Variants in THSD7B observed in about 807,000 individuals in gnomAD.
THSD7B encodes thrombospondin type 1 domain containing 7B.
In THSD7B, 138 loss-of-function variants were observed where a neutral mutation model predicts 213.6. The ratio of observed to expected loss-of-function variants is 0.65; its 90% CI spans 0.56 to 0.74. The LOEUF (loss-of-function observed/expected upper bound fraction) is 0.74, where lower values mean the gene tolerates loss of function less well. THSD7B is among the 30% of genes least tolerant of loss of function. The probability of loss-of-function intolerance (pLI) is 0.00; values close to 1 mark genes in which losing one functional copy is unlikely to be tolerated. For missense variants in THSD7B, 1,931 were observed against 1,991.5 expected (o/e 0.97, Z 0.58); for synonymous variants, 742 against 687.0 (o/e 1.08, Z -1.25).
intron 1 of THSD7B, among the ~76,000 whole-genome samples, chr2:136,859,797 A>G (rs1660955601): frequency 6.6e-6 from 1 of 152,330 alleles, no homozygotes; most frequent in South Asian, 2.1e-4. Flanking sequence ...AGAGCAGCCC[A>G]GCACTGAAAG....
At chr2:136,869,554 AGTC>A (rs760788433) in intron 1 of THSD7B, among the ~76,000 whole-genome samples, 3 of 152,212 alleles carry the variant, frequency 2.0e-5, no homozygotes, top group Non-Finnish European at 4.4e-5. Context: ...TAACGATAAC[AGTC>A]GTTGTTGAAT....
chr2:137,063,561 C>T (rs1304403220), intron 3 of THSD7B, among the ~76,000 whole-genome samples: 3 of 151,882 alleles, frequency 2.0e-5, no homozygotes, highest in Admixed American at 1.3e-4. Flanking sequence ...TTTTAAAATG[C>T]ACAATTAAAT....
intron 15 of THSD7B, among the ~76,000 whole-genome samples, chr2:137,512,612 T>G (rs1459305068): frequency 6.6e-6 from 1 of 151,946 alleles, no homozygotes; most frequent in East Asian, 1.9e-4. Flanking sequence ...AGGACATATC[T>G]TGAACTCTTG....
chr2:137,594,389 A>T (rs1366049200), intron 17 of THSD7B, among the ~76,000 whole-genome samples: 1 of 152,036 alleles, frequency 6.6e-6, no homozygotes, highest in Non-Finnish European at 1.5e-5. Flanking sequence ...AAGCAGAGAA[A>T]TTGGTACACA....
chr2:137,329,087 A>G (rs1191201723), intron 12 of THSD7B, among the ~76,000 whole-genome samples: 1 of 152,214 alleles, frequency 6.6e-6, no homozygotes, highest in Admixed American at 6.5e-5. Context: ...ACAGGCAGAG[A>G]CTGGAAAAGT....
intron 12 of THSD7B, among the ~76,000 whole-genome samples, chr2:137,391,194 G>A (rs957266399): frequency 6.6e-6 from 1 of 152,064 alleles, no homozygotes; most frequent in Non-Finnish European, 1.5e-5. Context: ...TTGGGAGGTT[G>A]TATGTTTCAG....
At chr2:137,649,280 C>T (rs1357884737) in intron 21 of THSD7B, among the ~76,000 whole-genome samples, 1 of 151,996 alleles carries the variant, frequency 6.6e-6, no homozygotes, top group African/African-American at 2.4e-5. Flanking sequence ...TGTTGTACTC[C>T]CATTTGTCTA....
chr2:137,084,028 A>C (rs192827432), intron 3 of THSD7B, among the ~76,000 whole-genome samples: 2 of 152,276 alleles, frequency 1.3e-5, no homozygotes. Context: ...TAGAAATTCA[A>C]ATACCTTCAC....
chr2:137,642,242 C>T (rs755442292), intron 20 of THSD7B: 3 of 415,130 alleles, frequency 7.2e-6, no homozygotes, highest in East Asian at 4.4e-5. Flanking sequence ...AACAATAGAA[C>T]GTTTGTACTT....
chr2:137,444,671 GAAAA>G lies in THSD7B; in HGVS notation c.2960-6173_2960-6170del, dbSNP rs201180374. On this transcript the variant is annotated intron_variant, in intron 14 of 27. Coordinates refer to ENST00000409968, the MANE Select transcript of THSD7B (RefSeq NM_001316349.2). ...ACCTGAAACTATAAAACTACTAAAAGAAAACTTTGGGAAAATGCTCCAGGACATT... is the reference window on the plus strand; with the variant it reads ...ACCTGAAACTATAAAACTACTAAAAGCTTTGGGAAAATGCTCCAGGACATT... Among the ~76,000 whole-genome samples the G allele has an allele frequency of 8.8e-3, 1,332 of 151,902 alleles. 14 individuals carry two copies. The highest frequency in any genetic ancestry group is 0.031 in the African/African-American group (1,267 of 41,474).
chr2:137,636,885 G>C (rs1682843434), intron 20 of THSD7B, among the ~76,000 whole-genome samples: 1 of 152,096 alleles, frequency 6.6e-6, no homozygotes, highest in South Asian at 2.1e-4. Flanking sequence ...ATGAGGTCTT[G>C]CTATGCTGCC....
chr2:136,914,035 G>A (rs1049202206), intron 2 of THSD7B, among the ~76,000 whole-genome samples: 2 of 152,174 alleles, frequency 1.3e-5, no homozygotes, highest in African/African-American at 4.8e-5. Context: ...GAAAGCAGTC[G>A]GGAGGGAGGC....
intron 2 of THSD7B, among the ~76,000 whole-genome samples, chr2:136,998,052 G>T (rs1295212420): frequency 6.6e-6 from 1 of 152,006 alleles, no homozygotes; most frequent in East Asian, 1.9e-4. Context: ...CTCGGGACAG[G>T]ATTAGACCAG....
At chr2:136,974,615 G>T (rs912110832) in intron 2 of THSD7B, among the ~76,000 whole-genome samples, 1 of 152,102 alleles carries the variant, frequency 6.6e-6, no homozygotes, top group Non-Finnish European at 1.5e-5. Context: ...GGCATATGGG[G>T]TGATTCCATG....
intron 1 of THSD7B, among the ~76,000 whole-genome samples, chr2:136,780,716 A>G (rs1681726412): frequency 1.3e-5 from 2 of 152,216 alleles, no homozygotes; most frequent in African/African-American, 4.8e-5. Context: ...TAATTTTTGA[A>G]CAGAGTGTTT....
chr2:137,673,098 A>G (rs886572424), intron 27 of THSD7B, among the ~76,000 whole-genome samples: 1 of 152,188 alleles, frequency 6.6e-6, no homozygotes, highest in Non-Finnish European at 1.5e-5. Context: ...CCAAAACAAA[A>G]TGTGGTTTGC....
At chr2:136,823,901 T>A (rs1000265985) in intron 1 of THSD7B, among the ~76,000 whole-genome samples, 1 of 152,294 alleles carries the variant, frequency 6.6e-6, no homozygotes, top group Admixed American at 6.5e-5. Context: ...TATGATGAGC[T>A]GTGGTCCATG....
At chr2:137,250,163 C>T (rs1232617671) in intron 10 of THSD7B, among the ~76,000 whole-genome samples, 1 of 152,146 alleles carries the variant, frequency 6.6e-6, no homozygotes, top group Non-Finnish European at 1.5e-5. Flanking sequence ...CATAGTTTTG[C>T]TTTATTTCAC....
chr2:137,205,996 C>T (rs1680975821), intron 7 of THSD7B, among the ~76,000 whole-genome samples: 1 of 151,538 alleles, frequency 6.6e-6, no homozygotes, highest in Non-Finnish European at 1.5e-5. Context: ...ACATACAAAT[C>T]TCTGCCTTTT....
Sources: gnomAD v4.1 joint callset for allele counts (sites outside exome capture counted in the v4.1 genomes callset) on GRCh38, gnomAD v4.1.1 for gene constraint, MANE v1.5 for transcripts, NCBI Gene and HGNC (gene_info 2026-07-23, HGNC 2026-07-21) for gene names.